Variants in PLCB1 observed in about 807,000 individuals in gnomAD.
PLCB1 encodes the protein 1-phosphatidylinositol 4,5-bisphosphate phosphodiesterase beta-1.
PLCB1 carries 46 observed loss-of-function variants against 161.8 expected under a neutral mutation model. The ratio of observed to expected loss-of-function variants is 0.28; its 90% CI spans 0.22 to 0.36. The LOEUF is 0.36. Ranked by LOEUF, PLCB1 falls within the 10% of genes least tolerant of loss-of-function variation. The pLI is 1.00. For synonymous variants in PLCB1, 517 were observed against 503.7 expected (o/e 1.03, Z -0.35); for missense variants, 1,016 against 1,472.5 (o/e 0.69, Z 5.07).
At chr20:8,501,698 CA>C (rs1374002871) in intron 3 of PLCB1, among the ~76,000 whole-genome samples, 1 of 152,138 alleles carries the variant, frequency 6.6e-6, no homozygotes, top group African/African-American at 2.4e-5. Flanking sequence ...GCCTGAGGCA[CA>C]ACTCTTCTAT....
chr20:8,849,682 A>G (rs1436434478), intron 31 of PLCB1, among the ~76,000 whole-genome samples: 4 of 148,620 alleles, frequency 2.7e-5, no homozygotes, highest in African/African-American at 9.9e-5. Context: ...TCTCAATAAA[A>G]TAAAATTAAA....
At chr20:8,410,153 A>G (rs1051030410) in intron 3 of PLCB1, among the ~76,000 whole-genome samples, 6 of 151,920 alleles carry the variant, frequency 3.9e-5, no homozygotes, top group South Asian at 4.1e-4. Flanking sequence ...TGCTGTGTAG[A>G]GTTTTATTGT....
At position 8,711,478 on chromosome 20, in the gene PLCB1, G is replaced by T. The variant is rs79766094; in HGVS notation, c.1250+2726G>T. Among the ~76,000 whole-genome samples, 4 of 152,324 alleles carry T rather than the reference G, an allele frequency of 2.6e-5. No homozygotes were observed. The East Asian group carries it at 7.7e-4, about 29-fold the overall frequency. ...AAAATGATAAATTTAGCTATTAAAA[G>T]TTCATTAATAATTTCTATGTGACAA... On this transcript the variant is annotated intron_variant, in intron 12 of 31. Coordinates refer to ENST00000338037, the MANE Select transcript of PLCB1 (RefSeq NM_015192.4).
intron 2 of PLCB1, among the ~76,000 whole-genome samples, chr20:8,302,316 G>GA (rs963415717): frequency 6.6e-6 from 1 of 152,118 alleles, no homozygotes; most frequent in Non-Finnish European, 1.5e-5. Flanking sequence ...TTTTATGGAG[G>GA]AACACAAGGC....
chr20:8,543,132 A>C (rs1306953329), intron 3 of PLCB1, among the ~76,000 whole-genome samples: 1 of 152,214 alleles, frequency 6.6e-6, no homozygotes, highest in African/African-American at 2.4e-5. Context: ...ATTGGATCAG[A>C]ATATCCTTTA....
intron 9 of PLCB1, among the ~76,000 whole-genome samples, chr20:8,666,938 G>A (rs1376266467): frequency 2.0e-5 from 3 of 152,116 alleles, no homozygotes; most frequent in African/African-American, 7.2e-5. Context: ...CTGCAGGGAT[G>A]TCTGCCCAAA....
intron 9 of PLCB1, among the ~76,000 whole-genome samples, chr20:8,661,751 A>G (rs1337298651): frequency 6.6e-6 from 1 of 150,948 alleles, no homozygotes; most frequent in South Asian, 2.1e-4. Context: ...AGCAGGCCAA[A>G]TAGTACTAGA....
At chr20:8,175,674 A>G (rs773883274) in intron 2 of PLCB1, among the ~76,000 whole-genome samples, 19 of 152,200 alleles carry the variant, frequency 1.2e-4, no homozygotes, top group Non-Finnish European at 2.6e-4. Flanking sequence ...CATTAAAATT[A>G]AAATAATTTC....
intron 31 of PLCB1, among the ~76,000 whole-genome samples, chr20:8,857,012 G>A (rs1987090447): frequency 6.6e-6 from 1 of 152,216 alleles, no homozygotes; most frequent in Non-Finnish European, 1.5e-5. Flanking sequence ...CTCTGCTGGT[G>A]ATACTGGTTG....
chr20:8,806,665 G>A (rs556515866), intron 31 of PLCB1, among the ~76,000 whole-genome samples: 229 of 152,266 alleles, frequency 1.5e-3, no homozygotes, highest in Non-Finnish European at 2.2e-3. Context: ...CTATACAAGA[G>A]AGGAGTTAGA....
chr20:8,675,692 C>G (rs1449161213), intron 9 of PLCB1, among the ~76,000 whole-genome samples: 2 of 152,048 alleles, frequency 1.3e-5, no homozygotes, highest in South Asian at 4.1e-4. Context: ...TTCTTGAAAC[C>G]ACACCAAAAC....
chr20:8,655,488 G>C (rs941069905), intron 7 of PLCB1, among the ~76,000 whole-genome samples: 4 of 152,206 alleles, frequency 2.6e-5, no homozygotes, highest in Non-Finnish European at 5.9e-5. Flanking sequence ...AGACATGCAA[G>C]GTGTGATGTG....
chr20:8,132,462 C>T lies in PLCB1; in HGVS notation c.-190C>T, dbSNP rs2051300612. ...GGGGCATGGCCGGGCGCTGCGCCCC[C>T]GCGCGCTCTGCCTGCTGAGCGGCGC... is the stretch of plus-strand genomic sequence containing the variant. On this transcript the variant is annotated 5_prime_UTR_variant, in exon 1 of 32. Coordinates refer to ENST00000338037, the MANE Select transcript of PLCB1 (RefSeq NM_015192.4). The surrounding 1 kb of genome is among the most constrained non-coding windows in gnomAD (Gnocchi z 5.2). 6.0e-6 allele frequency: 2 copies of T among 332,128 alleles called. No homozygotes were observed. Among genetic ancestry groups the T allele is most frequent in the Middle Eastern group, 8.4e-4 (1 of 1,196 alleles). The allele number at this position is 332,128 out of a possible 1,614,324, so 20.6% of individuals were successfully genotyped here.
intron 3 of PLCB1, among the ~76,000 whole-genome samples, chr20:8,568,835 A>T (rs1986419048): frequency 6.6e-6 from 1 of 152,200 alleles, no homozygotes; most frequent in Non-Finnish European, 1.5e-5. Flanking sequence ...CTGGAAGGTG[A>T]TGTCAACAAG....
chr20:8,219,176 C>T (rs918643152), intron 2 of PLCB1, among the ~76,000 whole-genome samples: 8 of 152,162 alleles, frequency 5.3e-5, no homozygotes, highest in Admixed American at 3.9e-4. Context: ...ACTGTGTTTT[C>T]TAGTGAAGCT....
Position 8,740,463 on chromosome 20 carries a change from T to TTAA in PLCB1, c.2413+15_2413+16insTAA. 7.2e-7 allele frequency: 1 copy of TTAA among 1,397,598 alleles called. No homozygotes were observed. Among genetic ancestry groups the TTAA allele is most frequent in the Non-Finnish European group, 9.9e-7 (1 of 1,012,238 alleles). 86.6% of individuals were successfully genotyped at this position (1,397,598 alleles called of 1,614,324 possible). A position where few individuals can be genotyped will look rare whatever the true frequency, so the allele number is the denominator to read the frequency against. On this transcript the variant is annotated intron_variant, in intron 22 of 31. Transcript: ENST00000338037. ...CACATATGCAGGTAAACAACTTAAC[T>TTAA]CAAATACCACTTTACTCAAAGGGGT...
intron 3 of PLCB1, among the ~76,000 whole-genome samples, chr20:8,537,742 A>G (rs963281600): frequency 2.0e-5 from 3 of 152,212 alleles, no homozygotes; most frequent in Non-Finnish European, 2.9e-5. Flanking sequence ...AAATTCTCCA[A>G]TATAATAATT....
At chr20:8,745,612 ATGTG>A (rs1981130152) in intron 23 of PLCB1, among the ~76,000 whole-genome samples, 1 of 151,842 alleles carries the variant, frequency 6.6e-6, no homozygotes, top group African/African-American at 2.4e-5. Context: ...TACATATATT[ATGTG>A]TATAATATAT....
chr20:8,772,094 T>C (rs1982718729), intron 26 of PLCB1, among the ~76,000 whole-genome samples: 1 of 148,760 alleles, frequency 6.7e-6, no homozygotes, highest in Non-Finnish European at 1.5e-5. Flanking sequence ...CTACCCAGGC[T>C]GACTTTGAAC....
Sources: allele counts gnomAD v4.1 joint callset (sites outside exome capture counted in the v4.1 genomes callset), GRCh38; gene constraint gnomAD v4.1.1; non-coding constraint Gnocchi (gnomAD v3.1); transcripts MANE v1.5; gene names NCBI Gene and HGNC (gene_info 2026-07-23, HGNC 2026-07-21).